Variants in SYT9 observed in about 807,000 individuals in gnomAD.
SYT9 encodes synaptotagmin 9.
In SYT9, 22 loss-of-function variants were observed where a neutral mutation model predicts 48.4. The observed-to-expected ratio is 0.45, with a 90% CI of 0.32 to 0.65. SYT9 has a LOEUF of 0.65. Ranked by LOEUF, SYT9 falls within the 30% of genes least tolerant of loss-of-function variation. The pLI is 0.03. For missense variants in SYT9, 577 were observed against 622.0 expected, an observed-to-expected ratio of 0.93 and a Z score of 0.77; for synonymous variants, 265 against 245.0, an observed-to-expected ratio of 1.08 and a Z score of -0.76.
Position 7,376,291 on chromosome 11 carries a change from TC to T in SYT9, c.1045-39750del, listed in dbSNP as rs1467912465. ...TCTCCCTCTTCTCTTTCTCTCTTTT[TC>T]TCTTTATCTCTTCCTTTCTCTCTCT... On this transcript the variant is annotated intron_variant, in intron 3 of 6. Coordinates refer to ENST00000318881, the MANE Select transcript of SYT9 (RefSeq NM_175733.4). 5.3e-5 allele frequency among the ~76,000 whole-genome samples: 8 copies of T among 150,950 alleles called. No homozygotes were observed. The East Asian group carries it at 1.5e-3, about 29-fold the overall frequency.
At chr11:7,416,257 G>C in intron 4 of SYT9, 95 bp downstream of exon 4, 2 of 1,460,154 alleles carry the variant, frequency 1.4e-6, no homozygotes, top group African/African-American at 2.8e-5. Flanking sequence ...ATTGACTCTG[G>C]AACCAGACTG....
intron 3 of SYT9, among the ~76,000 whole-genome samples, chr11:7,387,029 T>C (rs1456886066): frequency 6.6e-6 from 1 of 152,182 alleles, no homozygotes; most frequent in Non-Finnish European, 1.5e-5. Flanking sequence ...ACCATCATTC[T>C]CAGCAAACTA....
chr11:7,466,167 CCTT>C (rs1256325150), intron 6 of SYT9, among the ~76,000 whole-genome samples: 3 of 152,206 alleles, frequency 2.0e-5, no homozygotes, highest in African/African-American at 7.2e-5. Flanking sequence ...CCCAAGTGAC[CCTT>C]CTTCTTTCCA....
intron 1 of SYT9, among the ~76,000 whole-genome samples, chr11:7,243,895 TGA>T (rs1167992700): frequency 6.6e-6 from 1 of 152,286 alleles, no homozygotes; most frequent in East Asian, 1.9e-4. Flanking sequence ...CTGCCCAGGA[TGA>T]GAGTCGTCAG....
At chr11:7,367,962 G>A (rs1454827117) in intron 3 of SYT9, among the ~76,000 whole-genome samples, 1 of 152,078 alleles carries the variant, frequency 6.6e-6, no homozygotes, top group South Asian at 2.1e-4. Context: ...ACCCCATGAG[G>A]CACATACTGT....
chr11:7,247,114 T>A (rs1847801665), upstream of SYT9, among the ~76,000 whole-genome samples: 1 of 152,170 alleles, frequency 6.6e-6, no homozygotes, highest in African/African-American at 2.4e-5. Flanking sequence ...TATTTTTTAT[T>A]TCTATAGGTT....
chr11:7,336,975 T>C (rs7930378), intron 3 of SYT9, among the ~76,000 whole-genome samples: 3,758 of 152,314 alleles, frequency 0.025, 153 homozygotes, highest in African/African-American at 0.084. Flanking sequence ...TTCTGATCCA[T>C]GAGCACGGAA....
chr11:7,313,984 G>A (rs773299566), intron 3 of SYT9, 43 bp downstream of exon 3: 2 of 1,573,302 alleles, frequency 1.3e-6, no homozygotes, highest in African/African-American at 2.7e-5. Context: ...GGGGCATCTT[G>A]GTTAGCAAGG....
chr11:7,261,777 G>C (rs1848084982), intron 1 of SYT9, among the ~76,000 whole-genome samples: 1 of 152,052 alleles, frequency 6.6e-6, no homozygotes, highest in South Asian at 2.1e-4. Context: ...GACGTGTTCA[G>C]ATATTAGCCA....
At chr11:7,275,362 A>G (rs1344152075) in intron 1 of SYT9, among the ~76,000 whole-genome samples, 1 of 152,210 alleles carries the variant, frequency 6.6e-6, no homozygotes, top group Admixed American at 6.5e-5. Context: ...AACTACAGCC[A>G]TCAATGACCT....
chr11:7,393,874 G>A (rs1457968011), intron 3 of SYT9, among the ~76,000 whole-genome samples: 1 of 151,404 alleles, frequency 6.6e-6, no homozygotes, highest in Non-Finnish European at 1.5e-5. Context: ...TCTAGTTTGT[G>A]TGCATAGAGT....
chr11:7,265,949 T>C (rs1481048373), intron 1 of SYT9, among the ~76,000 whole-genome samples: 1 of 152,140 alleles, frequency 6.6e-6, no homozygotes, highest in African/African-American at 2.4e-5. Context: ...TCCTGTAGGC[T>C]ATAAATCATC....
chr11:7,329,038 T>C (rs893985322), intron 3 of SYT9, among the ~76,000 whole-genome samples: 1 of 152,174 alleles, frequency 6.6e-6, no homozygotes, highest in Admixed American at 6.5e-5. Context: ...TTAAAAATTA[T>C]TGTTTATCTT....
At chr11:7,454,232 C>CTAG in intron 6 of SYT9, 3 of 985,406 alleles carry the variant, frequency 3.0e-6, no homozygotes, top group Non-Finnish European at 3.6e-6. Context: ...CCCTTTCTCT[C>CTAG]TAGCCCTTAG....
chr11:7,357,590 T>C (rs2134011172), intron 3 of SYT9, among the ~76,000 whole-genome samples: 1 of 152,224 alleles, frequency 6.6e-6, no homozygotes, highest in South Asian at 2.1e-4. Flanking sequence ...GGGCATTCTT[T>C]TTTGTTCCAT....
chr11:7,265,543 G>T (rs1848163537), intron 1 of SYT9, among the ~76,000 whole-genome samples: 1 of 152,050 alleles, frequency 6.6e-6, no homozygotes, highest in Admixed American at 6.6e-5. Flanking sequence ...GGCCTTCGTG[G>T]TTTACAATTA....
intron 1 of SYT9, among the ~76,000 whole-genome samples, chr11:7,289,440 T>G (rs1848659087): frequency 6.6e-6 from 1 of 152,232 alleles, no homozygotes; most frequent in Non-Finnish European, 1.5e-5. Flanking sequence ...TAATTACCAC[T>G]GAACTATACT....
intron 1 of SYT9, among the ~76,000 whole-genome samples, chr11:7,268,183 AC>A (rs1163560167): frequency 6.6e-6 from 1 of 152,032 alleles, no homozygotes; most frequent in Non-Finnish European, 1.5e-5. Flanking sequence ...TGTCATTGCA[AC>A]AAAAGTTTTC....
chr11:7,390,148 C>CA (rs1316725674), intron 3 of SYT9, among the ~76,000 whole-genome samples: 1 of 152,136 alleles, frequency 6.6e-6, no homozygotes, highest in African/African-American at 2.4e-5. Context: ...CCCCACCTCC[C>CA]AACAGGCCCC....
Sources: allele counts gnomAD v4.1 joint callset (sites outside exome capture counted in the v4.1 genomes callset), GRCh38; gene constraint gnomAD v4.1.1; transcripts MANE v1.5; gene names NCBI Gene and HGNC (gene_info 2026-07-23, HGNC 2026-07-21).